PCBP3: variants seen among roughly 807,000 people sequenced by gnomAD.
The protein encoded by PCBP3 is poly(rC) binding protein 3.
Under a neutral mutation model 52.7 loss-of-function variants are expected in PCBP3, and 25 were observed. That is an observed-to-expected ratio of 0.47 (90% confidence interval 0.35 to 0.66). The LOEUF (loss-of-function observed/expected upper bound fraction) is 0.66. Ranked by LOEUF, PCBP3 falls within the 30% of genes least tolerant of loss-of-function variation. The pLI is 0.01. For synonymous variants in PCBP3, 162 were observed against 183.0 expected (o/e 0.89, Z 0.93); for missense variants, 391 against 490.3 (o/e 0.80, Z 1.91).
chr21:45,696,875 A>G (rs1032897296), intron 2 of PCBP3, among the ~76,000 whole-genome samples: 1 of 152,160 alleles, frequency 6.6e-6, no homozygotes, highest in African/African-American at 2.4e-5. Flanking sequence ...AATGTCCAGT[A>G]ACTTATAAAG....
At chr21:45,649,909 T>TAA (rs1000394742) in intron 1 of PCBP3, among the ~76,000 whole-genome samples, 3 of 152,184 alleles carry the variant, frequency 2.0e-5, no homozygotes, top group Admixed American at 2.0e-4. Flanking sequence ...AATGGTTTTC[T>TAA]ATACAGTGTA....
Position 45,830,072 on chromosome 21 carries a change from A to T in PCBP3, c.-125-19889A>T, listed in dbSNP as rs1292567775. On this transcript the variant is annotated intron_variant, in intron 4 of 17. Coordinates refer to ENST00000681687, the MANE Select transcript of PCBP3 (RefSeq NM_001384156.1). This position sits in a 1 kb window ranked among gnomAD's most constrained non-coding sequence, Gnocchi z 4.4. ...TCCAAGAGCCATGTTTCCCTAGGCA[A>T]GTAGGAGGCTGTGGCCCCAAGGGGA... 3 of 152,728 alleles carry T rather than the reference A, an allele frequency of 2.0e-5. No individual in the cohort carries two copies. The highest frequency in any genetic ancestry group is 7.2e-5 in the African/African-American group (3 of 41,456). The allele number at this position is 152,728 out of a possible 1,614,324, so 9.5% of individuals were successfully genotyped here.
intron 2 of PCBP3, among the ~76,000 whole-genome samples, chr21:45,673,133 A>G (rs2081272559): frequency 6.6e-6 from 1 of 152,204 alleles, no homozygotes; most frequent in African/African-American, 2.4e-5. Flanking sequence ...AAGGAGCCCA[A>G]TTCTGTGTTA....
At chr21:45,809,752 A>G (rs1430800212) in intron 4 of PCBP3, among the ~76,000 whole-genome samples, 1 of 152,198 alleles carries the variant, frequency 6.6e-6, no homozygotes, top group Admixed American at 6.5e-5. Context: ...ATCTCCCATC[A>G]GAGACCCTCA....
At chr21:45,709,902 T>A (rs2148125532) in intron 2 of PCBP3, among the ~76,000 whole-genome samples, 1 of 152,294 alleles carries the variant, frequency 6.6e-6, no homozygotes, top group East Asian at 1.9e-4. Context: ...TTGACAATTT[T>A]GAGGAGGACT....
Position 45,675,530 on chromosome 21 carries a change from A to G in PCBP3, c.-200+6578A>G, listed in dbSNP as rs1603236789. On this transcript the variant is annotated intron_variant, in intron 2 of 17. Transcript: ENST00000681687. ...TGAGGGCAGTAATAGCTGATGAGCA[A>G]TCATGGTGGTTCTTACTCCTGGTTG... Among the ~76,000 whole-genome samples the G allele has an allele frequency of 2.6e-5, 4 of 152,346 alleles. No individual in the cohort carries two copies. In the South Asian group the frequency reaches 6.2e-4, roughly 24 times the overall value.
intron 2 of PCBP3, among the ~76,000 whole-genome samples, chr21:45,722,524 TA>T (rs1223162203): frequency 6.6e-6 from 1 of 152,198 alleles, no homozygotes. Context: ...TTTTTAAGCA[TA>T]AAAGCAATCC....
intron 5 of PCBP3, among the ~76,000 whole-genome samples, 176 bp downstream of exon 5, chr21:45,850,271 G>C (rs1341904820): frequency 6.6e-6 from 1 of 152,216 alleles, no homozygotes; most frequent in Non-Finnish European, 1.5e-5. Flanking sequence ...GGGAAATTGG[G>C]GATCCCTGCT....
chr21:45,748,570 C>G (rs1041699373), intron 3 of PCBP3, among the ~76,000 whole-genome samples: 1 of 152,254 alleles, frequency 6.6e-6, no homozygotes, highest in African/African-American at 2.4e-5. Flanking sequence ...ACTTTACCCA[C>G]CTGTTTCCCA....
intron 2 of PCBP3, among the ~76,000 whole-genome samples, chr21:45,693,348 A>G (rs749726065): frequency 3.3e-5 from 5 of 152,168 alleles, no homozygotes; most frequent in African/African-American, 4.8e-5. Context: ...AGTTTATAGT[A>G]TATGATTCCA....
At chr21:45,891,181 C>T (rs925828429) in intron 5 of PCBP3, among the ~76,000 whole-genome samples, 7 of 152,206 alleles carry the variant, frequency 4.6e-5, no homozygotes, top group East Asian at 1.9e-4. Flanking sequence ...ACCGCCGTGC[C>T]GCAGTCTTGA....
intron 4 of PCBP3, chr21:45,762,997 C>G (rs764562651): frequency 5.3e-5 from 8 of 152,240 alleles, no homozygotes; most frequent in Non-Finnish European, 1.2e-4. Flanking sequence ...TAGGTTTTCT[C>G]TAGGTAATTT....
Position 45,899,562 on chromosome 21 carries a change from A to G in PCBP3, c.166-37A>G, listed in dbSNP as rs748825173. ...TCCAGTGTTTTCCTCCTCCTGCTCT[A>G]TGACATCATCTTTCTGTGATTTTTT... is the stretch of plus-strand genomic sequence containing the variant. On this transcript the variant is annotated intron_variant, in intron 6 of 17. Transcript: ENST00000681687. 1.5e-5 allele frequency: 23 copies of G among 1,584,538 alleles called. No homozygotes were observed. The Admixed American group carries it at 2.3e-4, about 16-fold the overall frequency.
chr21:45,797,676 G>A (rs991123788), intron 4 of PCBP3, among the ~76,000 whole-genome samples: 32 of 26,674 alleles, frequency 1.2e-3, no homozygotes, highest in African/African-American at 1.6e-3. Flanking sequence ...TAGGGAGAGT[G>A]AATGCATAGA....
intron 13 of PCBP3, among the ~76,000 whole-genome samples, chr21:45,919,882 G>T (rs1396810054): frequency 6.6e-6 from 1 of 152,252 alleles, no homozygotes; most frequent in Non-Finnish European, 1.5e-5. Context: ...GCAGGGGTGT[G>T]GGGGGCAGGT....
intron 15 of PCBP3, among the ~76,000 whole-genome samples, chr21:45,933,113 C>T (rs1375603452): frequency 1.3e-5 from 2 of 152,092 alleles, no homozygotes; most frequent in African/African-American, 4.8e-5. Context: ...GCCATGCCAT[C>T]CTGAGATGAA....
At chr21:45,721,346 G>T (rs958619148) in intron 2 of PCBP3, among the ~76,000 whole-genome samples, 10 of 151,162 alleles carry the variant, frequency 6.6e-5, no homozygotes, top group African/African-American at 9.7e-5. Context: ...CCAGGAGGTG[G>T]AGGTTACAGT....
At chr21:45,877,910 C>T (rs937371468) in intron 5 of PCBP3, among the ~76,000 whole-genome samples, 13 of 152,276 alleles carry the variant, frequency 8.5e-5, no homozygotes, top group African/African-American at 2.9e-4. Context: ...GGAGCAGCTC[C>T]CTTGGGACCG....
At chr21:45,648,385 C>G (rs1432979067) in intron 1 of PCBP3, among the ~76,000 whole-genome samples, 1 of 152,210 alleles carries the variant, frequency 6.6e-6, no homozygotes, top group Non-Finnish European at 1.5e-5. Context: ...GTTCTATTCT[C>G]TATTTCACCT....
Sources: allele counts gnomAD v4.1 joint callset (sites outside exome capture counted in the v4.1 genomes callset), GRCh38; gene constraint gnomAD v4.1.1; non-coding constraint Gnocchi (gnomAD v3.1); transcripts MANE v1.5; gene names NCBI Gene and HGNC (gene_info 2026-07-23, HGNC 2026-07-21).